Variants in EBF1 observed in about 807,000 individuals in gnomAD.
EBF1 encodes the protein transcription factor COE1.
EBF1 carries 10 observed loss-of-function variants against 68.4 expected under a neutral mutation model. The ratio of observed to expected loss-of-function variants is 0.15; its 90% CI spans 0.09 to 0.25. The LOEUF (loss-of-function observed/expected upper bound fraction) is 0.25, where lower values mean the gene tolerates loss of function less well. EBF1 is among the 10% of genes least tolerant of loss of function. The pLI, the probability that EBF1 is intolerant of heterozygous loss-of-function variation, is 1.00. For synonymous variants in EBF1, 298 were observed against 299.8 expected (o/e 0.99, Z 0.06); for missense variants, 509 against 794.4 (o/e 0.64, Z 4.32).
intron 6 of EBF1, among the ~76,000 whole-genome samples, chr5:159,067,578 G>A (rs1026330630): frequency 1.3e-5 from 2 of 152,186 alleles, no homozygotes; most frequent in Admixed American, 1.3e-4. Flanking sequence ...GGGAATAGCT[G>A]ATAGCAAATG....
chr5:158,798,675 G>GGAA (rs1780024957), intron 8 of EBF1, among the ~76,000 whole-genome samples: 1 of 152,138 alleles, frequency 6.6e-6, no homozygotes, highest in African/African-American at 2.4e-5. Flanking sequence ...CACTTCCCAA[G>GGAA]GAAAGTTGCA....
rs1314533751 is a variant in EBF1 at position 158,855,751 on chromosome 5, T to TC, written c.555-15642_555-15641insG. On this transcript the variant is annotated intron_variant, in intron 6 of 15. Coordinates refer to ENST00000313708, the MANE Select transcript of EBF1 (RefSeq NM_024007.5). ...TGAATTCTCAACTTTCTGAATTTTC[T>TC]AACTCATAACAGTGACTATGCATCA... 2.7e-3 allele frequency among the ~76,000 whole-genome samples: 417 copies of TC among 152,374 alleles called. 1 individual carries two copies. The highest frequency in any genetic ancestry group is 9.7e-3 in the African/African-American group (405 of 41,592).
intron 6 of EBF1, among the ~76,000 whole-genome samples, chr5:159,035,875 CT>C (rs1429316395): frequency 6.6e-6 from 1 of 152,202 alleles, no homozygotes; most frequent in Non-Finnish European, 1.5e-5. Context: ...TTAAAATCTC[CT>C]TTTGGGGTTC....
intron 15 of EBF1, among the ~76,000 whole-genome samples, chr5:158,701,264 T>C (rs1176869984): frequency 6.6e-6 from 1 of 152,058 alleles, no homozygotes; most frequent in East Asian, 1.9e-4. Context: ...GCAGTATCAA[T>C]ATGATTCAAA....
At chr5:158,813,193 C>A (rs1783037344) in intron 8 of EBF1, among the ~76,000 whole-genome samples, 1 of 152,142 alleles carries the variant, frequency 6.6e-6, no homozygotes, top group South Asian at 2.1e-4. Context: ...TTTAGTCTTG[C>A]CCTAAGCAAT....
At chr5:158,992,497 T>C (rs1407792196) in intron 6 of EBF1, among the ~76,000 whole-genome samples, 1 of 152,230 alleles carries the variant, frequency 6.6e-6, no homozygotes, top group East Asian at 1.9e-4. Context: ...TCTTTCTTAA[T>C]GGAAACCACA....
intron 6 of EBF1, chr5:159,018,816 G>A (rs992316911): frequency 6.6e-5 from 10 of 152,174 alleles, no homozygotes; most frequent in African/African-American, 1.7e-4. Context: ...AAGTAACAGC[G>A]CTAAGAGTTG....
chr5:158,708,891 G>C (rs1758507070), intron 14 of EBF1, among the ~76,000 whole-genome samples: 1 of 152,174 alleles, frequency 6.6e-6, no homozygotes, highest in South Asian at 2.1e-4. Flanking sequence ...TAAGCAGTAG[G>C]ATCAGAGCCT....
chr5:158,900,357 C>T (rs1803037076), intron 6 of EBF1, among the ~76,000 whole-genome samples: 1 of 152,162 alleles, frequency 6.6e-6, no homozygotes, highest in African/African-American at 2.4e-5. Flanking sequence ...CTTTTTACTA[C>T]TTTTTCCTTC....
chr5:158,866,860 T>C (rs1347211584), intron 6 of EBF1, among the ~76,000 whole-genome samples: 3 of 26,620 alleles, frequency 1.1e-4, no homozygotes, highest in African/African-American at 3.0e-4. Flanking sequence ...TATATATATA[T>C]ATATATATAT....
intron 6 of EBF1, among the ~76,000 whole-genome samples, chr5:159,029,872 A>G (rs115391083): frequency 0.014 from 2,074 of 151,838 alleles, 52 homozygotes; most frequent in African/African-American, 0.047. Context: ...GAGTATCATC[A>G]CTTGAATCTG....
chr5:159,006,647 TAAAAAAAA>T lies in EBF1; in HGVS notation c.554+66741_554+66748del, dbSNP rs36045942. Among the ~76,000 whole-genome samples, 533 of 56,200 alleles carry T rather than the reference TAAAAAAAA, an allele frequency of 9.5e-3. 10 individuals carry two copies. The highest frequency in any genetic ancestry group is 0.031 in the African/African-American group (357 of 11,402). 36.9% of individuals were successfully genotyped at this position (56,200 alleles called of 152,430 possible). The stretch of plus-strand genomic sequence containing the variant: ...CTCATATAACCAATCATAGCCATGT[TAAAAAAAA>T]AAAAAAAAAAAAAAAAAAAAAGCCT... On this transcript the variant is annotated intron_variant, in intron 6 of 15. Coordinates refer to ENST00000313708, the MANE Select transcript of EBF1 (RefSeq NM_024007.5).
At chr5:159,092,895 G>T (rs1290980328) in intron 4 of EBF1, among the ~76,000 whole-genome samples, 1 of 151,534 alleles carries the variant, frequency 6.6e-6, no homozygotes, top group Non-Finnish European at 1.5e-5. Flanking sequence ...GAATTTCACA[G>T]GAAAAAAAAA....
chr5:159,085,314 C>T (rs954353700), intron 4 of EBF1, among the ~76,000 whole-genome samples: 12 of 152,174 alleles, frequency 7.9e-5, no homozygotes, highest in Non-Finnish European at 1.3e-4. Context: ...TCACAGGGTG[C>T]ACACCCACCC....
intron 6 of EBF1, among the ~76,000 whole-genome samples, chr5:158,994,182 C>T (rs1376248149): frequency 6.6e-6 from 1 of 152,206 alleles, no homozygotes; most frequent in Non-Finnish European, 1.5e-5. Context: ...ATCCCACCAA[C>T]TTAAATAACT....
chr5:158,912,665 C>T (rs961220111), intron 6 of EBF1, among the ~76,000 whole-genome samples: 2 of 152,120 alleles, frequency 1.3e-5, no homozygotes, highest in Non-Finnish European at 2.9e-5. Context: ...ACAACAACTC[C>T]ATGAAGAAGA....
intron 7 of EBF1, among the ~76,000 whole-genome samples, chr5:158,838,106 T>A (rs943305720): frequency 2.6e-5 from 4 of 152,060 alleles, no homozygotes; most frequent in Non-Finnish European, 5.9e-5. Context: ...AACACCAAGT[T>A]TGAAGTCAGA....
At chr5:158,783,868 T>G (rs1776900623) in intron 9 of EBF1, among the ~76,000 whole-genome samples, 1 of 152,112 alleles carries the variant, frequency 6.6e-6, no homozygotes, top group African/African-American at 2.4e-5. Flanking sequence ...GCCTGCAAAG[T>G]CTGGAAGCCC....
intron 6 of EBF1, among the ~76,000 whole-genome samples, chr5:158,846,792 G>T (rs895574112): frequency 6.6e-6 from 1 of 152,230 alleles, no homozygotes; most frequent in Non-Finnish European, 1.5e-5. Context: ...TAAGGGTAAA[G>T]GTTGCTCACT....
Sources: gnomAD v4.1 joint callset for allele counts (sites outside exome capture counted in the v4.1 genomes callset) on GRCh38, gnomAD v4.1.1 for gene constraint, MANE v1.5 for transcripts, NCBI Gene and HGNC (gene_info 2026-07-23, HGNC 2026-07-21) for gene names.